Variants in SV2B observed in about 807,000 individuals in gnomAD.
The protein encoded by SV2B is synaptic vesicle glycoprotein 2B.
Under a neutral mutation model 73.9 loss-of-function variants are expected in SV2B, and 41 were observed. The ratio of observed to expected loss-of-function variants is 0.56; its 90% CI spans 0.43 to 0.72. The LOEUF (loss-of-function observed/expected upper bound fraction) is 0.72. SV2B is among the 30% of genes least tolerant of loss of function. SV2B has a pLI of 0.00. For missense variants in SV2B, 764 were observed against 857.8 expected (o/e 0.89, Z 1.37); for synonymous variants, 314 against 314.2 (o/e 1.00, Z 0.01).
chr15:91,284,007 C>G lies in SV2B; in HGVS notation c.1508-14C>G. ...TTCCACTTACATGAACCGAAGGTTTCCTTCTCTCCCCAGACCTCTACGAGC... is the reference window on the plus strand; with the variant it reads ...TTCCACTTACATGAACCGAAGGTTTGCTTCTCTCCCCAGACCTCTACGAGC... On this transcript the variant is annotated splice_polypyrimidine_tract_variant and intron_variant, in intron 10 of 12. Coordinates refer to ENST00000394232, the MANE Select transcript of SV2B (RefSeq NM_001323032.3). This position sits in a 1 kb window ranked among gnomAD's most constrained non-coding sequence, Gnocchi z 4.5. 2 of 1,614,058 alleles carry G rather than the reference C, an allele frequency of 1.2e-6. No individual in the cohort carries two copies. Among genetic ancestry groups the G allele is most frequent in the South Asian group, 2.2e-5 (2 of 91,070 alleles).
chr15:91,187,488 GT>G (rs1462995219), intron 1 of SV2B, among the ~76,000 whole-genome samples: 4 of 152,170 alleles, frequency 2.6e-5, no homozygotes, highest in African/African-American at 4.8e-5. Flanking sequence ...TATGAAATCA[GT>G]GGCTCTGGGT....
intron 1 of SV2B, among the ~76,000 whole-genome samples, chr15:91,166,481 T>C (rs985702899): frequency 6.6e-6 from 1 of 152,078 alleles, no homozygotes; most frequent in Non-Finnish European, 1.5e-5. Flanking sequence ...TGTAAATTTA[T>C]GTCCTATAAT....
Position 91,290,817 on chromosome 15 carries a change from C to T in SV2B, c.1868+1137C>T, listed in dbSNP as rs1223693583. On this transcript the variant is annotated intron_variant, in intron 12 of 12. Coordinates refer to ENST00000394232, the MANE Select transcript of SV2B (RefSeq NM_001323032.3). The surrounding 1 kb of genome is among the most constrained non-coding windows in gnomAD (Gnocchi z 4.7). ...CTTGAAGGCTGGAGTTCAAGATCAG[C>T]CTGGGCAATACAGTGAGACCCCTAT... Among the ~76,000 whole-genome samples the T allele has an allele frequency of 6.6e-6, 1 of 151,940 alleles. No homozygotes were observed. Among genetic ancestry groups the T allele is most frequent in the Non-Finnish European group, 1.5e-5 (1 of 68,004 alleles).
intron 9 of SV2B, among the ~76,000 whole-genome samples, chr15:91,274,451 T>C (rs1476815914): frequency 1.3e-5 from 2 of 152,248 alleles, no homozygotes; most frequent in African/African-American, 4.8e-5. Flanking sequence ...CTGCCATCTA[T>C]GGAGACAATA....
chr15:91,212,609 G>A (rs2045905450), intron 1 of SV2B, among the ~76,000 whole-genome samples: 1 of 152,092 alleles, frequency 6.6e-6, no homozygotes, highest in African/African-American at 2.4e-5. Context: ...TTTGTTGGGT[G>A]TATTTAATGG....
Position 91,252,877 on chromosome 15 carries a change from A to G in SV2B, c.784+357A>G, listed in dbSNP as rs961117025. Among the ~76,000 whole-genome samples the G allele has an allele frequency of 1.3e-5, 2 of 151,978 alleles. No individual in the cohort carries two copies. The highest frequency in any genetic ancestry group is 2.9e-5 in the Non-Finnish European group (2 of 67,996). ...ACTTGGGCTTTGGTAACCTGATTTA[A>G]TAGATGACAGGTATGTGACAAAAGC... On this transcript the variant is annotated intron_variant, in intron 4 of 12. Coordinates refer to ENST00000394232, the MANE Select transcript of SV2B (RefSeq NM_001323032.3). The surrounding 1 kb of genome is among the most constrained non-coding windows in gnomAD (Gnocchi z 4.6).
In SV2B at chr15:91,129,242, A is replaced by G. The variant is rs117835857; in HGVS notation, c.-392+28879A>G. ...GAAATGAGTAGGTCAAAGATATCCA[A>G]CCTTAAGAAAGTTAGAGTCAAGTGG... is the stretch of plus-strand genomic sequence containing the variant. On this transcript the variant is annotated intron_variant, in intron 1 of 12. Coordinates refer to ENST00000394232, the MANE Select transcript of SV2B (RefSeq NM_001323032.3). The surrounding 1 kb of genome is among the most constrained non-coding windows in gnomAD (Gnocchi z 5.1). 0.01 allele frequency among the ~76,000 whole-genome samples: 1,541 copies of G among 152,350 alleles called. 55 individuals are homozygous for G. The highest frequency in any genetic ancestry group is 0.067 in the Admixed American group (1,031 of 15,306).
At chr15:91,219,073 C>T (rs559337605) in intron 1 of SV2B, among the ~76,000 whole-genome samples, 1 of 152,260 alleles carries the variant, frequency 6.6e-6, no homozygotes, top group African/African-American at 2.4e-5. Context: ...CTCAGCCTCC[C>T]TAGTAGCTGG....
At chr15:91,159,831 T>G (rs2043646517) in intron 1 of SV2B, among the ~76,000 whole-genome samples, 1 of 152,220 alleles carries the variant, frequency 6.6e-6, no homozygotes, top group South Asian at 2.1e-4. Context: ...TACATCATCT[T>G]ATATCTGGAT....
intron 1 of SV2B, among the ~76,000 whole-genome samples, chr15:91,203,826 C>G (rs548777885): frequency 2.0e-5 from 3 of 151,902 alleles, no homozygotes; most frequent in Non-Finnish European, 4.4e-5. Context: ...GAGCTACTGT[C>G]TCTCTCTCTC....
intron 1 of SV2B, among the ~76,000 whole-genome samples, chr15:91,192,357 G>A (rs1403802197): frequency 3.3e-5 from 5 of 152,172 alleles, no homozygotes; most frequent in East Asian, 1.9e-4. Context: ...CTTGAATTCA[G>A]TTCCTCTCTA....
chr15:91,266,824 G>C, intron 7 of SV2B, 132 bp downstream of exon 7: 1 of 677,944 alleles, frequency 1.5e-6, no homozygotes, highest in Non-Finnish European at 2.4e-6. Context: ...CAACCCTGGA[G>C]GGGGGCGTTT....
rs1388743925 is a variant in SV2B at position 91,289,818 on chromosome 15, G to C, written c.1868+138G>C. 9.7e-7 allele frequency: 1 copy of C among 1,034,804 alleles called. No individual in the cohort carries two copies. Among genetic ancestry groups the C allele is most frequent in the Non-Finnish European group, 1.4e-6 (1 of 727,574 alleles). 64.1% of individuals were successfully genotyped at this position (1,034,804 alleles called of 1,614,324 possible). ...CCGTGAAACAAACATCTTTTATGTT[G>C]AGCTTCTCCTGCATGGTGGATGGCA... On this transcript the variant is annotated intron_variant, in intron 12 of 12. Transcript: ENST00000394232. The surrounding 1 kb of genome is among the most constrained non-coding windows in gnomAD (Gnocchi z 4.9).
chr15:91,112,606 C>G (rs886177123), intron 1 of SV2B, among the ~76,000 whole-genome samples: 1 of 152,166 alleles, frequency 6.6e-6, no homozygotes, highest in Admixed American at 6.5e-5. Context: ...ATCAGGGAAG[C>G]AGGATTTGCC....
At chr15:91,199,865 G>A (rs769568744) in intron 1 of SV2B, among the ~76,000 whole-genome samples, 5 of 152,300 alleles carry the variant, frequency 3.3e-5, no homozygotes, top group Admixed American at 1.3e-4. Flanking sequence ...TTGGGGCAGC[G>A]TGGCCACCTG....
At position 91,227,253 on chromosome 15, in the gene SV2B, G is replaced by T. The variant is rs2141492213; in HGVS notation, c.451+539G>T. ...AATGGTGGGCTTAAGCACACCCGTG[G>T]AGTCCCTGCAGGCTGTTGGGAACCA... is the stretch of plus-strand genomic sequence containing the variant. On this transcript the variant is annotated intron_variant, in intron 2 of 12. Coordinates refer to ENST00000394232, the MANE Select transcript of SV2B (RefSeq NM_001323032.3). This position sits in a 1 kb window ranked among gnomAD's most constrained non-coding sequence, Gnocchi z 4.5. 6.6e-6 allele frequency among the ~76,000 whole-genome samples: 1 copy of T among 152,296 alleles called. No individual in the cohort carries two copies. Among genetic ancestry groups the T allele is most frequent in the East Asian group, 1.9e-4 (1 of 5,184 alleles).
At chr15:91,270,732 G>A (rs2048264235) in intron 9 of SV2B, among the ~76,000 whole-genome samples, 1 of 152,120 alleles carries the variant, frequency 6.6e-6, no homozygotes, top group African/African-American at 2.4e-5. Context: ...CTGCTGGGTG[G>A]GAGTGAGGAG....
At chr15:91,107,749 A>G (rs1190328281) in intron 1 of SV2B, among the ~76,000 whole-genome samples, 1 of 152,128 alleles carries the variant, frequency 6.6e-6, no homozygotes, top group Admixed American at 6.5e-5. Context: ...AGCTGGGAAT[A>G]CAGGCATGCA....
At chr15:91,160,891 A>C (rs2028023) in intron 1 of SV2B, among the ~76,000 whole-genome samples, 59,135 of 151,626 alleles carry the variant, frequency 0.39, 11,964 homozygotes, top group East Asian at 0.7. Context: ...AAGAGTAGCC[A>C]AAGCTGGAAA....
Sources: gnomAD v4.1 joint callset for allele counts (sites outside exome capture counted in the v4.1 genomes callset) on GRCh38, gnomAD v4.1.1 for gene constraint, Gnocchi (gnomAD v3.1) non-coding constraint, MANE v1.5 for transcripts, NCBI Gene and HGNC (gene_info 2026-07-23, HGNC 2026-07-21) for gene names.